The following BTBD3 variants were observed in gnomAD, a reference collection of about 807,000 sequenced individuals.
The protein encoded by BTBD3 is BTB domain containing 3.
Under a neutral mutation model 41.6 loss-of-function variants are expected in BTBD3, and 14 were observed. That is an observed-to-expected ratio of 0.34 (90% CI 0.22 to 0.53). The LOEUF (loss-of-function observed/expected upper bound fraction) is 0.53, where lower values mean the gene tolerates loss of function less well. Among genes scored for constraint, BTBD3 ranks in the 20% least tolerant of loss-of-function variants. The pLI, the probability that BTBD3 is intolerant of heterozygous loss-of-function variation, is 0.95. For missense variants in BTBD3, 426 were observed against 654.7 expected (o/e 0.65, Z 3.81); for synonymous variants, 249 against 233.7 (o/e 1.07, Z -0.60).
chr20:11,900,988 G>A (rs1194226444), intron 1 of BTBD3, among the ~76,000 whole-genome samples: 1 of 152,130 alleles, frequency 6.6e-6, no homozygotes, highest in African/African-American at 2.4e-5. Context: ...TGGGATTACA[G>A]GCTTGAGCCA....
At chr20:11,896,114 A>C (rs934649365) in intron 1 of BTBD3, among the ~76,000 whole-genome samples, 1 of 152,136 alleles carries the variant, frequency 6.6e-6, no homozygotes, top group African/African-American at 2.4e-5. Context: ...ATCATGTTAC[A>C]TTTTGTTTCG....
intron 1 of BTBD3, among the ~76,000 whole-genome samples, chr20:11,893,046 T>C (rs1484975284): frequency 7.0e-6 from 1 of 143,086 alleles, no homozygotes; most frequent in Non-Finnish European, 1.5e-5. Context: ...CAAAGATCAA[T>C]TTGAAAAAAT....
At position 11,923,490 on chromosome 20, in the gene BTBD3, A is replaced by G. The variant is rs201243596; in HGVS notation, c.1393A>G (p.Thr465Ala). 4 of 1,614,036 alleles carry G rather than the reference A, an allele frequency of 2.5e-6. No individual in the cohort carries two copies. The highest frequency in any genetic ancestry group is 3.4e-6 in the Non-Finnish European group (4 of 1,180,002). Residue 465 changes from threonine to alanine, a missense_variant, in exon 4 of 4, where the codon ACC becomes GCC. Thr to Ala is a moderately conservative substitution (Grantham distance 58). Transcript: ENST00000378226. The surrounding 1 kb of genome is among the most constrained non-coding windows in gnomAD (Gnocchi z 5.3). ...ATACCCAGTGCAGATCGAGCCAGACACCTTCTACACAGCCAGTGTGATACT... is the reference window on the plus strand; with the variant it reads ...ATACCCAGTGCAGATCGAGCCAGACGCCTTCTACACAGCCAGTGTGATACT... ...FEYPVQIEPD[T>A]FYTASVILDG...
upstream of BTBD3, among the ~76,000 whole-genome samples, chr20:11,914,562 CATGTATACAT>C (rs2056906933): frequency 6.6e-6 from 1 of 151,778 alleles, no homozygotes; most frequent in African/African-American, 2.4e-5. Flanking sequence ...CTAGTATGTT[CATGTATACAT>C]ATGTAACTAA....
intron 1 of BTBD3, among the ~76,000 whole-genome samples, chr20:11,899,496 A>G (rs535895426): frequency 6.6e-6 from 1 of 152,008 alleles, no homozygotes; most frequent in Non-Finnish European, 1.5e-5. Flanking sequence ...ACTTCCCTTT[A>G]TTTTCCATGG....
chr20:11,922,169 G>C (rs2056975529), intron 3 of BTBD3, among the ~76,000 whole-genome samples: 1 of 152,108 alleles, frequency 6.6e-6, no homozygotes, highest in Non-Finnish European at 1.5e-5. Flanking sequence ...GAACTATTTG[G>C]AAAATATTAA....
intron 1 of BTBD3, among the ~76,000 whole-genome samples, chr20:11,894,940 A>G (rs773956106): frequency 2.0e-5 from 3 of 152,214 alleles, no homozygotes; most frequent in Non-Finnish European, 4.4e-5. Context: ...AAATTTAATA[A>G]TCTTTATCTG....
At position 11,918,061 on chromosome 20, in the gene BTBD3, C is replaced by A. The variant is rs2056930897; in HGVS notation, c.-215C>A. On this transcript the variant is annotated 5_prime_UTR_variant, in exon 1 of 4. Coordinates refer to ENST00000378226, the MANE Select transcript of BTBD3 (RefSeq NM_014962.4). ...ATGAGCAAATAAGAGAAACAGGAAT[C>A]ATGATGGGGATATATTTAACAGACC... 3.9e-6 allele frequency: 5 copies of A among 1,298,410 alleles called. No homozygotes were observed. The highest frequency in any genetic ancestry group is 4.9e-6 in the Non-Finnish European group (5 of 1,028,050). 80.4% of individuals were successfully genotyped at this position (1,298,410 alleles called of 1,614,324 possible).
intron 1 of BTBD3, among the ~76,000 whole-genome samples, chr20:11,908,904 T>C (rs2056872569): frequency 6.6e-6 from 1 of 152,178 alleles, no homozygotes; most frequent in Non-Finnish European, 1.5e-5. Context: ...CTTTCTATTG[T>C]GTACTTCACA....
chr20:11,910,234 A>AG (rs397753347), intron 1 of BTBD3: 2 of 151,904 alleles, frequency 1.3e-5, no homozygotes, highest in African/African-American at 4.8e-5. Flanking sequence ...AGAAAAAAAA[A>AG]CAAAAAAAAC....
intron 1 of BTBD3, among the ~76,000 whole-genome samples, chr20:11,906,455 G>C (rs957288859): frequency 6.6e-6 from 1 of 150,762 alleles, no homozygotes; most frequent in East Asian, 1.9e-4. Flanking sequence ...GTAGAGATGG[G>C]GTTTCACCAT....
At chr20:11,899,011 C>T (rs2122185387) in intron 1 of BTBD3, among the ~76,000 whole-genome samples, 1 of 152,268 alleles carries the variant, frequency 6.6e-6, no homozygotes, top group South Asian at 2.1e-4. Context: ...CAAAACATAC[C>T]TGGGTTCCCT....
At chr20:11,891,186 G>GT (rs1351084173) in intron 1 of BTBD3, 2 of 161,380 alleles carry the variant, frequency 1.2e-5, no homozygotes, top group African/African-American at 2.4e-5. Context: ...GAGGGGGGGG[G>GT]GGTCCCAGTG....
At chr20:11,899,137 G>A (rs1174657467) in intron 1 of BTBD3, among the ~76,000 whole-genome samples, 2 of 152,114 alleles carry the variant, frequency 1.3e-5, no homozygotes, top group East Asian at 3.9e-4. Context: ...CCTTCTTGCT[G>A]TTTGGGACAT....
At chr20:11,910,335 C>T (rs147664272) in intron 1 of BTBD3, 184 of 152,270 alleles carry the variant, frequency 1.2e-3, no homozygotes, top group African/African-American at 3.5e-3. Context: ...TATTTAAAGC[C>T]AACAAATGAC....
In BTBD3 at chr20:11,918,498, T is replaced by C; in HGVS notation, c.223T>C (p.Ser75Pro). ...ATTCCCCCGTAAAAAGCCAGCCAAC[T>C]CCAGCAGCACCAGCGTCCAGCAGTA... ...DIFPRKKPAN[S>P]SSTSVQQYHQ... The change falls in exon 1 of 4, where the codon TCC becomes CCC. Residue 75 changes from serine (S) to proline (P), a missense_variant. Around this residue, in one of 3 missense-constraint regions of BTBD3, gnomAD observed 52 missense variants for 45.1 expected, o/e 1.15. Transcript: ENST00000378226. The C allele has an allele frequency of 1.9e-6, 3 of 1,614,186 alleles. No individual in the cohort carries two copies. Among genetic ancestry groups the C allele is most frequent in the Non-Finnish European group, 2.5e-6 (3 of 1,180,022 alleles).
intron 1 of BTBD3, among the ~76,000 whole-genome samples, chr20:11,892,887 T>C (rs970685435): frequency 2.6e-5 from 4 of 152,216 alleles, no homozygotes; most frequent in Admixed American, 2.0e-4. Context: ...AAAAATGCCA[T>C]GCTTAGCTTT....
intron 3 of BTBD3, among the ~76,000 whole-genome samples, chr20:11,920,587 G>C (rs1386099684): frequency 6.6e-6 from 1 of 152,172 alleles, no homozygotes; most frequent in Non-Finnish European, 1.5e-5. Flanking sequence ...TATAGAATCA[G>C]CTTCTTTATC....
chr20:11,918,365 A>G lies in BTBD3; in HGVS notation c.90A>G (p.Ser30=). The G allele has an allele frequency of 6.2e-7, 1 of 1,614,108 alleles. No homozygotes were observed. The highest frequency in any genetic ancestry group is 8.5e-7 in the Non-Finnish European group (1 of 1,179,950). ...ETVKNRSKKS[S]KKANTSSSSS... ...TAAAGAACAGGTCCAAGAAAAGCTC[A>G]AAGAAAGCAAATACCAGCAGCAGCA... The change falls in exon 1 of 4, where the codon TCA becomes TCG. Residue 30 remains serine (S), a synonymous_variant. Coordinates refer to ENST00000378226, the MANE Select transcript of BTBD3 (RefSeq NM_014962.4).
Sources: gnomAD v4.1 joint callset for allele counts (sites outside exome capture counted in the v4.1 genomes callset) on GRCh38, gnomAD v4.1.1 for gene constraint, gnomAD v4.1.1 regional missense constraint, Gnocchi (gnomAD v3.1) non-coding constraint, MANE v1.5 for transcripts, NCBI Gene and HGNC (gene_info 2026-07-23, HGNC 2026-07-21) for gene names.